GPR176: variants seen among roughly 807,000 people sequenced by gnomAD.
GPR176 encodes G protein-coupled receptor 176.
GPR176 carries 26 observed loss-of-function variants against 35.4 expected under a neutral mutation model. That is an observed-to-expected ratio of 0.74 (90% CI 0.54 to 1.02). The LOEUF is 1.02. GPR176 is among the 50% of genes least tolerant of loss of function. The pLI is 0.00. For synonymous variants in GPR176, 278 were observed against 271.3 expected, an observed-to-expected ratio of 1.02 and a Z score of -0.24; for missense variants, 597 against 665.3, an observed-to-expected ratio of 0.90 and a Z score of 1.13.
intron 1 of GPR176, among the ~76,000 whole-genome samples, chr15:39,831,293 T>C (rs920473804): frequency 1.3e-5 from 2 of 152,144 alleles, no homozygotes; most frequent in Middle Eastern, 6.3e-3. Context: ...CTTTCTTTTC[T>C]TCTCACACTA....
chr15:39,855,190 A>G (rs2031134703), intron 1 of GPR176, among the ~76,000 whole-genome samples: 1 of 152,228 alleles, frequency 6.6e-6, no homozygotes, highest in Non-Finnish European at 1.5e-5. Context: ...AGTACCTGCT[A>G]AAAGAATACT....
rs1898860786 is a variant in GPR176, at chr15:39,801,565, A to G, written c.1115T>C (p.Met372Thr). ...GATCTGCTGCTGCCCAATGTGGAAC[A>G]TCTCCAGGAGCTGGCTACCCGAGCG... ...SIRSGSQLLE[M>T]FHIGQQQIFK... is the part of the protein sequence containing the mutation. Residue 372 changes from methionine (M) to threonine (T), a missense_variant, in exon 3 of 3, where the codon ATG (methionine) becomes ACG (threonine). This residue lies in a region of GPR176 where 251 missense variants were observed against 255.4 expected (regional missense o/e 0.98). Coordinates refer to ENST00000561100, the MANE Select transcript of GPR176 (RefSeq NM_007223.3). 1.2e-6 allele frequency: 2 copies of G among 1,614,096 alleles called. No homozygotes were observed. Among genetic ancestry groups the G allele is most frequent in the Non-Finnish European group, 1.7e-6 (2 of 1,179,976 alleles).
At chr15:39,856,144 C>T (rs1457155842) in intron 1 of GPR176, among the ~76,000 whole-genome samples, 2 of 152,238 alleles carry the variant, frequency 1.3e-5, no homozygotes, top group Middle Eastern at 3.4e-3. Context: ...TGGAGGCATG[C>T]CCAATCTAAA....
intron 1 of GPR176, among the ~76,000 whole-genome samples, chr15:39,833,678 T>C (rs1901231205): frequency 6.6e-6 from 1 of 152,172 alleles, no homozygotes; most frequent in Admixed American, 6.5e-5. Context: ...TCAATAAAGC[T>C]GTTATTCCTA....
At chr15:39,821,051 C>A (rs564460557) in intron 1 of GPR176, among the ~76,000 whole-genome samples, 41 of 152,328 alleles carry the variant, frequency 2.7e-4, no homozygotes, top group African/African-American at 9.6e-4. Context: ...GCCACAGTGA[C>A]ACAGATACGC....
chr15:39,817,348 T>C (rs1430923906), intron 1 of GPR176, among the ~76,000 whole-genome samples: 1 of 152,244 alleles, frequency 6.6e-6, no homozygotes, highest in South Asian at 2.1e-4. Context: ...ATTCATTATT[T>C]GTAAATAAAT....
At chr15:39,803,910 C>T (rs942602644) in intron 2 of GPR176, among the ~76,000 whole-genome samples, 1 of 151,960 alleles carries the variant, frequency 6.6e-6, no homozygotes, top group African/African-American at 2.4e-5. Context: ...AAGGAGGGAG[C>T]ATGGTAAGAT....
intron 1 of GPR176, among the ~76,000 whole-genome samples, chr15:39,822,931 G>A (rs1030827839): frequency 6.6e-6 from 1 of 152,170 alleles, no homozygotes; most frequent in Non-Finnish European, 1.5e-5. Flanking sequence ...AGGACTCAAG[G>A]ATGGTAGCAT....
intron 1 of GPR176, among the ~76,000 whole-genome samples, chr15:39,863,065 T>C (rs35880321): frequency 6.6e-6 from 1 of 151,064 alleles, no homozygotes; most frequent in Non-Finnish European, 1.5e-5. Flanking sequence ...TTTTCTTTTT[T>C]TTTTTTTTCT....
At chr15:39,852,591 C>T (rs1281693709) in intron 1 of GPR176, among the ~76,000 whole-genome samples, 9 of 152,190 alleles carry the variant, frequency 5.9e-5, no homozygotes, top group Non-Finnish European at 1.5e-5. Flanking sequence ...CCAGATGGGT[C>T]TCTTAGCCTT....
In GPR176 at chr15:39,906,585, G is replaced by A. The variant is rs114661034; in HGVS notation, c.172+13270C>T. On this transcript the variant is annotated intron_variant, in intron 1 of 2. Transcript: ENST00000561100. ...ATTATGCTGCCTGGTTTAAAATGCT[G>A]CCTGTCTTATGTCATAGGCTCATTC... is the stretch of plus-strand genomic sequence containing the variant. Among the ~76,000 whole-genome samples, 707 of 152,292 alleles carry A rather than the reference G, an allele frequency of 4.6e-3. 6 individuals are homozygous for A. Among genetic ancestry groups the A allele is most frequent in the African/African-American group, 0.016 (679 of 41,550 alleles).
chr15:39,818,669 C>T (rs2140806070), intron 1 of GPR176, among the ~76,000 whole-genome samples: 1 of 152,322 alleles, frequency 6.6e-6, no homozygotes, highest in Non-Finnish European at 1.5e-5. Flanking sequence ...ACAGCACGAT[C>T]AAAACAAAAC....
intron 2 of GPR176, among the ~76,000 whole-genome samples, chr15:39,802,773 A>G (rs1272312556): frequency 6.6e-6 from 1 of 152,250 alleles, no homozygotes; most frequent in Non-Finnish European, 1.5e-5. Context: ...GATATCATTA[A>G]CAATTAAAGT....
At chr15:39,828,992 CAT>C in intron 1 of GPR176, 2 of 692,230 alleles carry the variant, frequency 2.9e-6, no homozygotes, top group South Asian at 1.5e-5. Flanking sequence ...GTATGCGTAT[CAT>C]GTGATATTTG....
At chr15:39,843,478 A>C (rs943791784) in intron 1 of GPR176, among the ~76,000 whole-genome samples, 2 of 152,148 alleles carry the variant, frequency 1.3e-5, no homozygotes, top group Admixed American at 1.3e-4. Flanking sequence ...GATCAGTCCC[A>C]GTTACAATAA....
chr15:39,805,997 T>C (rs1185412391), intron 2 of GPR176, among the ~76,000 whole-genome samples: 1 of 152,224 alleles, frequency 6.6e-6, no homozygotes, highest in Non-Finnish European at 1.5e-5. Context: ...CGTGTGACTC[T>C]GTGTCCCTCC....
At chr15:39,897,683 G>A (rs1254732909) in intron 1 of GPR176, among the ~76,000 whole-genome samples, 3 of 134,844 alleles carry the variant, frequency 2.2e-5, no homozygotes, top group African/African-American at 5.7e-5. Flanking sequence ...GCGCAATCTC[G>A]GCTCACTGCA....
intron 1 of GPR176, among the ~76,000 whole-genome samples, chr15:39,870,957 A>G (rs1595496297): frequency 6.6e-6 from 1 of 152,306 alleles, no homozygotes. Context: ...ATAATCTCAG[A>G]TAAGATTGCA....
chr15:39,821,698 T>C (rs531072707), intron 1 of GPR176, among the ~76,000 whole-genome samples: 22 of 152,192 alleles, frequency 1.4e-4, no homozygotes, highest in Non-Finnish European at 2.8e-4. Context: ...TATACTCATA[T>C]GGATGGAAGG....
Sources: allele counts gnomAD v4.1 joint callset (sites outside exome capture counted in the v4.1 genomes callset), GRCh38; gene constraint gnomAD v4.1.1; regional missense constraint gnomAD v4.1.1; transcripts MANE v1.5; gene names NCBI Gene and HGNC (gene_info 2026-07-23, HGNC 2026-07-21).